MSI2: variants seen among roughly 807,000 people sequenced by gnomAD.
MSI2 encodes the protein musashi RNA binding protein 2.
A neutral mutation model predicts 45.6 loss-of-function variants in MSI2; 17 were observed. The ratio of observed to expected loss-of-function variants is 0.37; its 90% CI spans 0.26 to 0.56. The LOEUF (loss-of-function observed/expected upper bound fraction) is 0.56, where lower values mean the gene tolerates loss of function less well. Ranked by LOEUF, MSI2 falls within the 20% of genes least tolerant of loss-of-function variation. The pLI, the probability that MSI2 is intolerant of heterozygous loss-of-function variation, is 0.77. For synonymous variants in MSI2, 156 were observed against 158.2 expected (o/e 0.99, Z 0.11); for missense variants, 293 against 444.2 (o/e 0.66, Z 3.06).
intron 6 of MSI2, among the ~76,000 whole-genome samples, chr17:57,452,616 G>A (rs2085039068): frequency 6.6e-6 from 1 of 152,232 alleles, no homozygotes; most frequent in South Asian, 2.1e-4. Context: ...AAAAGTGGGA[G>A]GGAAGACCTT....
chr17:57,508,062 G>GCGC (rs2086275840), intron 6 of MSI2, among the ~76,000 whole-genome samples: 1 of 152,224 alleles, frequency 6.6e-6, no homozygotes, highest in Admixed American at 6.5e-5. Context: ...CTACTTCAGA[G>GCGC]CGCAGCAGCA....
At chr17:57,649,570 A>G (rs1910973098) in intron 10 of MSI2, among the ~76,000 whole-genome samples, 1 of 151,998 alleles carries the variant, frequency 6.6e-6, no homozygotes, top group African/African-American at 2.4e-5. Flanking sequence ...CACTTAACAC[A>G]TACACACCCA....
At chr17:57,463,170 G>A (rs979435935) in intron 6 of MSI2, among the ~76,000 whole-genome samples, 2 of 152,204 alleles carry the variant, frequency 1.3e-5, no homozygotes, top group Non-Finnish European at 2.9e-5. Context: ...GGCCTGCTCA[G>A]TTTGCCAAGG....
chr17:57,256,817 C>A lies in MSI2; in HGVS notation c.62+13C>A. 1 of 1,452,676 alleles carries A rather than the reference C, an allele frequency of 6.9e-7. No individual in the cohort carries two copies. Among genetic ancestry groups the A allele is most frequent in the South Asian group, 1.4e-5 (1 of 70,600 alleles). The allele number at this position is 1,452,676 out of a possible 1,614,324, so 90.0% of individuals were successfully genotyped here. A position where few individuals can be genotyped will look rare whatever the true frequency, so the allele number is the denominator to read the frequency against. On this transcript the variant is annotated intron_variant, in intron 1 of 13. Transcript: ENST00000284073. Reference sequence around the variant, plus strand: ...AGCACGACCCCGGGTAAGTTTCCAGCCGCTGCCCACCGCGCCGCCTTGGGC... The same window carrying A: ...AGCACGACCCCGGGTAAGTTTCCAGACGCTGCCCACCGCGCCGCCTTGGGC...
At chr17:57,613,377 A>T (rs1456612604) in intron 8 of MSI2, among the ~76,000 whole-genome samples, 2 of 152,210 alleles carry the variant, frequency 1.3e-5, no homozygotes, top group African/African-American at 4.8e-5. Context: ...TCCCAGTACC[A>T]GTGCATGATT....
intron 6 of MSI2, among the ~76,000 whole-genome samples, chr17:57,497,955 G>A (rs1237335309): frequency 6.6e-6 from 1 of 152,200 alleles, no homozygotes; most frequent in Non-Finnish European, 1.5e-5. Flanking sequence ...GTAACAGAAA[G>A]TGGGAGCCAT....
intron 7 of MSI2, among the ~76,000 whole-genome samples, chr17:57,587,101 C>G (rs1280817037): frequency 6.6e-6 from 1 of 152,128 alleles, no homozygotes; most frequent in Non-Finnish European, 1.5e-5. Flanking sequence ...GCATTTTTGA[C>G]AAGCCCTTCC....
At chr17:57,268,328 G>A (rs1908005584) in intron 5 of MSI2, 1 of 152,206 alleles carries the variant, frequency 6.6e-6, no homozygotes, top group Admixed American at 6.5e-5. Flanking sequence ...GCTCTCAGGT[G>A]TGATCACCAA....
rs116758655 is a variant in MSI2, at chr17:57,548,635, G to C, written c.454+18911G>C. Among the ~76,000 whole-genome samples the C allele has an allele frequency of 2.3e-3, 350 of 151,444 alleles. 2 individuals are homozygous for C. Among genetic ancestry groups the C allele is most frequent in the African/African-American group, 8.1e-3 (336 of 41,326 alleles). ...GTGACAGGAAATAAAGATTTGTGGT[G>C]TAGTGAGCTGTAAACACTAGGGCTG... On this transcript the variant is annotated intron_variant, in intron 7 of 13. Transcript: ENST00000284073.
At position 57,612,435 on chromosome 17, in the gene MSI2, T is replaced by C. The variant is rs1377667407; in HGVS notation, c.538-3535T>C. Among the ~76,000 whole-genome samples, 2 of 95,284 alleles carry C rather than the reference T, an allele frequency of 2.1e-5. 1 individual carries two copies. The highest frequency in any genetic ancestry group is 5.1e-5 in the Non-Finnish European group (2 of 39,530). 62.5% of individuals were successfully genotyped at this position (95,284 alleles called of 152,430 possible). ...GTCCTGAGAAGTCTTTCAAGAGGCC[T>C]TCAGGGCAGGCAGGCCAGGTTCCCT... On this transcript the variant is annotated intron_variant, in intron 8 of 13. Coordinates refer to ENST00000284073, the MANE Select transcript of MSI2 (RefSeq NM_138962.4).
intron 6 of MSI2, among the ~76,000 whole-genome samples, chr17:57,402,455 A>G (rs1277421537): frequency 2.0e-5 from 3 of 152,158 alleles, no homozygotes; most frequent in Non-Finnish European, 4.4e-5. Flanking sequence ...GCGTCCTGAG[A>G]AGACACAGTG....
At chr17:57,269,328 G>A (rs1860386529) in intron 5 of MSI2, among the ~76,000 whole-genome samples, 1 of 152,204 alleles carries the variant, frequency 6.6e-6, no homozygotes, top group African/African-American at 2.4e-5. Context: ...GTGTGTCTGT[G>A]CGGGTGTATG....
At chr17:57,477,148 GTGTGT>G (rs1567847168) in intron 6 of MSI2, among the ~76,000 whole-genome samples, 11 of 9,544 alleles carry the variant, frequency 1.2e-3, no homozygotes, top group Non-Finnish European at 1.9e-3. Flanking sequence ...AAGGCCTGGT[GTGTGT>G]GTGTGTGTGT....
intron 5 of MSI2, among the ~76,000 whole-genome samples, chr17:57,330,240 TCTC>T (rs1044185969): frequency 2.6e-5 from 4 of 151,954 alleles, no homozygotes; most frequent in African/African-American, 9.7e-5. Context: ...TGATTGTCCT[TCTC>T]CTCCCAGTTT....
chr17:57,393,192 A>G (rs919747506), intron 5 of MSI2, among the ~76,000 whole-genome samples: 2 of 152,190 alleles, frequency 1.3e-5, no homozygotes, highest in East Asian at 1.9e-4. Flanking sequence ...CAAAAATCTG[A>G]AACTTTTTGA....
At position 57,683,010 on chromosome 17, in the gene MSI2, C is replaced by T. The variant is rs1056881781; in HGVS notation, c.*3493C>T. ...TATATCCACTGGGAACAAACAGCCT[C>T]GCGCTCTATACCAAACAGCCTCGCG... On this transcript the variant is annotated 3_prime_UTR_variant, in exon 14 of 14. Coordinates refer to ENST00000284073, the MANE Select transcript of MSI2 (RefSeq NM_138962.4). The surrounding 1 kb of genome is among the most constrained non-coding windows in gnomAD (Gnocchi z 5.2). 4 of 229,886 alleles carry T rather than the reference C, an allele frequency of 1.7e-5. No homozygotes were observed. The highest frequency in any genetic ancestry group is 3.4e-5 in the Non-Finnish European group (4 of 115,990). 14.2% of individuals were successfully genotyped at this position (229,886 alleles called of 1,614,324 possible). A position where few individuals can be genotyped will look rare whatever the true frequency, so the allele number is the denominator to read the frequency against.
chr17:57,688,166 A>G (rs1384664134), downstream of MSI2, among the ~76,000 whole-genome samples: 3 of 152,152 alleles, frequency 2.0e-5, no homozygotes, highest in South Asian at 6.2e-4. Flanking sequence ...TGTCACTATT[A>G]TTACCTTAAA....
At chr17:57,389,173 T>A (rs1361493759) in intron 5 of MSI2, among the ~76,000 whole-genome samples, 1 of 151,906 alleles carries the variant, frequency 6.6e-6, no homozygotes. Flanking sequence ...CAGACGGGGT[T>A]TCACCATATT....
At chr17:57,264,016 C>G (rs1337354944) in intron 5 of MSI2, 1 of 152,266 alleles carries the variant, frequency 6.6e-6, no homozygotes, top group Non-Finnish European at 1.5e-5. Flanking sequence ...CTAACCTTCT[C>G]TCAGTCTCAG....
Sources: gnomAD v4.1 joint callset for allele counts (sites outside exome capture counted in the v4.1 genomes callset) on GRCh38, gnomAD v4.1.1 for gene constraint, Gnocchi (gnomAD v3.1) non-coding constraint, MANE v1.5 for transcripts, NCBI Gene and HGNC (gene_info 2026-07-23, HGNC 2026-07-21) for gene names.